SPATA6: variants seen among roughly 807,000 people sequenced by gnomAD.
SPATA6 encodes spermatogenesis-associated protein 6.
In SPATA6, 56 loss-of-function variants were observed where a neutral mutation model predicts 65.3. That is an observed-to-expected ratio of 0.86 (90% CI 0.69 to 1.07). SPATA6 has a LOEUF of 1.07. SPATA6 is among the 50% of genes least tolerant of loss of function. SPATA6 has a pLI of 0.00. For missense variants in SPATA6, 590 were observed against 594.8 expected (o/e 0.99, Z 0.08); for synonymous variants, 199 against 213.2 (o/e 0.93, Z 0.58).
rs1236309472 is a variant in SPATA6 at position 48,414,447 on chromosome 1, C to A, written c.239-1296G>T. 2.0e-5 allele frequency among the ~76,000 whole-genome samples: 3 copies of A among 152,182 alleles called. No homozygotes were observed. In the East Asian group the frequency reaches 5.8e-4, roughly 29 times the overall value. ...AGAAAATACTTAACTCCAGCCAGCTCTGAACTTGACTTGTAGGAAGAAAAT... is the reference window on the plus strand; with the variant it reads ...AGAAAATACTTAACTCCAGCCAGCTATGAACTTGACTTGTAGGAAGAAAAT... On this transcript the variant is annotated intron_variant, in intron 3 of 12. Coordinates refer to ENST00000371847, the MANE Select transcript of SPATA6 (RefSeq NM_019073.4).
chr1:48,374,001 T>C (rs1647601483), intron 9 of SPATA6, among the ~76,000 whole-genome samples: 1 of 152,124 alleles, frequency 6.6e-6, no homozygotes, highest in Non-Finnish European at 1.5e-5. Flanking sequence ...TCCACATAAT[T>C]TCCATGCACA....
intron 1 of SPATA6, among the ~76,000 whole-genome samples, chr1:48,453,338 A>G (rs1197330676): frequency 6.6e-6 from 1 of 152,154 alleles, no homozygotes; most frequent in Non-Finnish European, 1.5e-5. Flanking sequence ...GAAAACTACA[A>G]TTTTCCATTT....
At chr1:48,338,955 T>C (rs985687077) in intron 11 of SPATA6, among the ~76,000 whole-genome samples, 8 of 152,002 alleles carry the variant, frequency 5.3e-5, no homozygotes, top group African/African-American at 1.4e-4. Context: ...CTGAGATTAG[T>C]AGAAGCTGGT....
intron 9 of SPATA6, among the ~76,000 whole-genome samples, chr1:48,371,694 A>G (rs1647302164): frequency 6.6e-6 from 1 of 152,180 alleles, no homozygotes; most frequent in Non-Finnish European, 1.5e-5. Flanking sequence ...CACTGTAACA[A>G]GAGTGTTTGC....
chr1:48,320,746 C>T (rs941794667), intron 11 of SPATA6, among the ~76,000 whole-genome samples: 4 of 152,118 alleles, frequency 2.6e-5, no homozygotes, highest in Non-Finnish European at 5.9e-5. Flanking sequence ...TGGCAAACTA[C>T]TTATATCTTC....
chr1:48,471,164 G>A (rs1317562177), intron 1 of SPATA6, among the ~76,000 whole-genome samples: 1 of 152,206 alleles, frequency 6.6e-6, no homozygotes, highest in Non-Finnish European at 1.5e-5. Flanking sequence ...CCCTTCACTG[G>A]ATGAGTGGGG....
intron 5 of SPATA6, among the ~76,000 whole-genome samples, chr1:48,410,755 G>A (rs371238978): frequency 3.3e-5 from 5 of 152,094 alleles, no homozygotes; most frequent in Admixed American, 6.6e-5. Context: ...ATCAGATTTC[G>A]TGAGAACTCA....
intron 12 of SPATA6, among the ~76,000 whole-genome samples, chr1:48,303,278 A>G (rs1454315287): frequency 6.6e-6 from 1 of 152,160 alleles, no homozygotes; most frequent in Non-Finnish European, 1.5e-5. Context: ...TATTGGAAAC[A>G]TTCCAAATCT....
chr1:48,271,314 T>A, the SPATA6 span, among the ~76,000 whole-genome samples: 1 of 152,124 alleles, frequency 6.6e-6, no homozygotes, highest in South Asian at 2.1e-4. Flanking sequence ...TTAGAAAACT[T>A]CTTATTTAAA....
rs772486011 is a variant in SPATA6, at chr1:48,359,655, T to A, written c.1025A>T (p.His342Leu). Residue 342 changes from histidine (H) to leucine (L), a missense_variant, in exon 10 of 13, where the codon CAT becomes CTT. Coordinates refer to ENST00000371847, the MANE Select transcript of SPATA6 (RefSeq NM_019073.4). Reference protein sequence around the residue: ...PRHSARTLLVHSAPSTMPKHS... With the variant: ...PRHSARTLLVLSAPSTMPKHS... ...CTTTGGCATTGTTGAGGGTGCTGAATGGACTAGCAAGGTCCTCGCTGAATG... is the reference window on the plus strand; with the variant it reads ...CTTTGGCATTGTTGAGGGTGCTGAAAGGACTAGCAAGGTCCTCGCTGAATG... 2 of 1,613,846 alleles carry A rather than the reference T, an allele frequency of 1.2e-6. No homozygotes were observed. The highest frequency in any genetic ancestry group is 2.2e-5 in the South Asian group (2 of 91,078).
At chr1:48,332,985 A>ATCAAATT (rs1458115192) in intron 11 of SPATA6, among the ~76,000 whole-genome samples, 1 of 152,228 alleles carries the variant, frequency 6.6e-6, no homozygotes, top group East Asian at 1.9e-4. Context: ...CAGGTTAATT[A>ATCAAATT]TCAAATTAAG....
At chr1:48,316,343 C>G (rs1349440377) in intron 11 of SPATA6, among the ~76,000 whole-genome samples, 1 of 152,016 alleles carries the variant, frequency 6.6e-6, no homozygotes, top group African/African-American at 2.4e-5. Context: ...AGATATAGAC[C>G]AATGGAACAG....
chr1:48,371,070 ATAAC>A (rs1647235420), intron 9 of SPATA6, among the ~76,000 whole-genome samples: 1 of 152,238 alleles, frequency 6.6e-6, no homozygotes. Flanking sequence ...TGGAAAAATT[ATAAC>A]TAAAATATTT....
At chr1:48,433,979 T>C (rs914198464) in intron 3 of SPATA6, among the ~76,000 whole-genome samples, 1 of 152,124 alleles carries the variant, frequency 6.6e-6, no homozygotes, top group Non-Finnish European at 1.5e-5. Context: ...AGTAACATAC[T>C]GCAATATAAA....
In SPATA6 at chr1:48,411,589, C is replaced by A. The variant is rs866435175; in HGVS notation, c.281-1G>T. The A allele has an allele frequency of 2.6e-6, 4 of 1,560,010 alleles. No individual in the cohort carries two copies. Among genetic ancestry groups the A allele is most frequent in the Non-Finnish European group, 3.5e-6 (4 of 1,156,122 alleles). ...TCATACGTAGACAGTGTTTCACCCA[C>A]TACAAGAAAGATACCCTATGATTCA... On this transcript the variant is annotated splice_acceptor_variant, in intron 4 of 12. Coordinates refer to ENST00000371847, the MANE Select transcript of SPATA6 (RefSeq NM_019073.4). LOFTEE classifies it high-confidence loss of function.
At chr1:48,315,019 A>G (rs1035997883) in intron 11 of SPATA6, among the ~76,000 whole-genome samples, 2 of 152,228 alleles carry the variant, frequency 1.3e-5, no homozygotes, top group African/African-American at 4.8e-5. Context: ...GAATAGACCA[A>G]TAACAGGCTC....
chr1:48,404,538 T>A (rs543182181), intron 5 of SPATA6, among the ~76,000 whole-genome samples: 4 of 152,020 alleles, frequency 2.6e-5, no homozygotes, highest in Non-Finnish European at 5.9e-5. Context: ...ATACAGGATC[T>A]CACTATGTCA....
At chr1:48,381,775 T>C (rs1028685152) in intron 9 of SPATA6, among the ~76,000 whole-genome samples, 17 of 147,154 alleles carry the variant, frequency 1.2e-4, no homozygotes, top group Non-Finnish European at 2.4e-4. Flanking sequence ...CATAGGACAA[T>C]AGTGGAGGGA....
At chr1:48,463,568 T>C (rs1488554931) in intron 1 of SPATA6, among the ~76,000 whole-genome samples, 1 of 152,098 alleles carries the variant, frequency 6.6e-6, no homozygotes, top group African/African-American at 2.4e-5. Context: ...AAGGCAGATA[T>C]TACAATGAGA....
Sources: allele counts gnomAD v4.1 joint callset (sites outside exome capture counted in the v4.1 genomes callset), GRCh38; gene constraint gnomAD v4.1.1; transcripts MANE v1.5; gene names NCBI Gene and HGNC (gene_info 2026-07-23, HGNC 2026-07-21).